ZNF736: variants seen among roughly 807,000 people sequenced by gnomAD.
ZNF736 encodes KRAB-containing zinc-finger repressor protein.
A neutral mutation model predicts 11.7 loss-of-function variants in ZNF736; 6 were observed. That is an observed-to-expected ratio of 0.51 (90% CI 0.28 to 1.01). The LOEUF (loss-of-function observed/expected upper bound fraction) is 1.01. Among genes scored for constraint, ZNF736 ranks in the 50% least tolerant of loss-of-function variants. The probability of loss-of-function intolerance (pLI) is 0.09; values close to 1 mark genes in which losing one functional copy is unlikely to be tolerated. For synonymous variants in ZNF736, 139 were observed against 164.7 expected (o/e 0.84, Z 1.19); for missense variants, 444 against 496.0 (o/e 0.90, Z 1.00).
In ZNF736 at chr7:64,349,795, T is replaced by C. The variant is rs1789461964; in HGVS notation, c.*648T>C. On this transcript the variant is annotated 3_prime_UTR_variant, in exon 4 of 4. Transcript: ENST00000423484. Reference sequence around the variant, plus strand: ...GCATTTGCTTGTCTGAATAGGATCATATATATTTTTTACTTCTGAAGCTTA... The same window carrying C: ...GCATTTGCTTGTCTGAATAGGATCACATATATTTTTTACTTCTGAAGCTTA... 1 of 152,320 alleles carries C rather than the reference T, an allele frequency of 6.6e-6. No individual in the cohort carries two copies. The highest frequency in any genetic ancestry group is 6.5e-5 in the Admixed American group (1 of 15,282). The allele number at this position is 152,320 out of a possible 1,614,324, so 9.4% of individuals were successfully genotyped here.
At chr7:64,319,569 C>G (rs562106715) in intron 1 of ZNF736, among the ~76,000 whole-genome samples, 74 of 131,126 alleles carry the variant, frequency 5.6e-4, no homozygotes, top group Non-Finnish European at 9.9e-4. Context: ...GGTCTTGGCT[C>G]ACTGCAACCT....
chr7:64,340,910 CA>C (rs1789327728), intron 3 of ZNF736, among the ~76,000 whole-genome samples: 1 of 151,964 alleles, frequency 6.6e-6, no homozygotes, highest in Non-Finnish European at 1.5e-5. Context: ...CTTTTTTCTT[CA>C]AATAACCTCT....
intron 1 of ZNF736, among the ~76,000 whole-genome samples, chr7:64,331,414 G>C (rs1334481685): frequency 6.6e-6 from 1 of 152,162 alleles, no homozygotes; most frequent in Non-Finnish European, 1.5e-5. Flanking sequence ...TCTCTGCTGA[G>C]CTGCACTCCC....
At chr7:64,338,086 C>A (rs1789285563) in intron 3 of ZNF736, among the ~76,000 whole-genome samples, 1 of 152,082 alleles carries the variant, frequency 6.6e-6, no homozygotes, top group South Asian at 2.1e-4. Flanking sequence ...TCAATTTTAA[C>A]TTTATTTTAA....
At chr7:64,317,770 A>G (rs1788937630) in intron 1 of ZNF736, among the ~76,000 whole-genome samples, 1 of 151,856 alleles carries the variant, frequency 6.6e-6, no homozygotes, top group Admixed American at 6.5e-5. Context: ...TTAAAATTTT[A>G]TTTTTCTCTT....
intron 3 of ZNF736, among the ~76,000 whole-genome samples, chr7:64,341,240 C>G (rs1736187239): frequency 6.6e-6 from 1 of 151,482 alleles, no homozygotes; most frequent in African/African-American, 2.4e-5. Context: ...ACATCTTTGT[C>G]AGATAATGCA....
At chr7:64,343,746 A>G (rs1789370524) in intron 3 of ZNF736, among the ~76,000 whole-genome samples, 1 of 152,110 alleles carries the variant, frequency 6.6e-6, no homozygotes, top group Non-Finnish European at 1.5e-5. Flanking sequence ...CTTATGTTTT[A>G]CAGTAGCCTA....
rs1467522941 is a variant in ZNF736, at chr7:64,353,415, C to G, written c.*4268C>G. 2 of 152,240 alleles carry G rather than the reference C, an allele frequency of 1.3e-5. No homozygotes were observed. Among genetic ancestry groups the G allele is most frequent in the African/African-American group, 4.8e-5 (2 of 41,464 alleles). The allele number at this position is 152,240 out of a possible 1,614,324, so 9.4% of individuals were successfully genotyped here. A position where few individuals can be genotyped will look rare whatever the true frequency, so the allele number is the denominator to read the frequency against. On this transcript the variant is annotated 3_prime_UTR_variant, in exon 4 of 4. Transcript: ENST00000423484. ...TGTCTATGAGAACTGCACAGTCTAG[C>G]TGCTTCTAGTCAGCAATCTCGATCA...
intron 1 of ZNF736, among the ~76,000 whole-genome samples, chr7:64,331,317 C>A (rs550226088): frequency 2.0e-4 from 31 of 152,210 alleles, no homozygotes; most frequent in Non-Finnish European, 4.4e-4. Flanking sequence ...CCCCATGCTG[C>A]TTTCTGCTAT....
At chr7:64,319,444 T>G (rs1259821725) in intron 1 of ZNF736, among the ~76,000 whole-genome samples, 1 of 143,960 alleles carries the variant, frequency 6.9e-6, no homozygotes, top group Non-Finnish European at 1.5e-5. Flanking sequence ...CTTTTAAATT[T>G]TTTAAAATTA....
In ZNF736 at chr7:64,349,652, A is replaced by G. The variant is rs1434920786; in HGVS notation, c.*505A>G. 6.5e-6 allele frequency: 1 copy of G among 154,342 alleles called. No individual in the cohort carries two copies. The highest frequency in any genetic ancestry group is 1.9e-4 in the East Asian group (1 of 5,218). 9.6% of individuals were successfully genotyped at this position (154,342 alleles called of 1,614,324 possible). ...ACATTTGTTTCTGTGGTTGCTTTAT[A>G]GTGTCCACAGTTTGTATACTTTAGT... On this transcript the variant is annotated 3_prime_UTR_variant, in exon 4 of 4. Coordinates refer to ENST00000423484, the MANE Select transcript of ZNF736 (RefSeq NM_001170905.3).
chr7:64,343,990 T>A (rs1789374834), intron 3 of ZNF736, among the ~76,000 whole-genome samples: 1 of 151,708 alleles, frequency 6.6e-6, no homozygotes, highest in African/African-American at 2.4e-5. Context: ...TAGTCAATGA[T>A]TGTTTTATTC....
In ZNF736 at chr7:64,353,867, A is replaced by C. The variant is rs1417954781; in HGVS notation, c.*4720A>C. The C allele has an allele frequency of 1.3e-5, 2 of 152,228 alleles. No individual in the cohort carries two copies. Among genetic ancestry groups the C allele is most frequent in the African/African-American group, 4.8e-5 (2 of 41,464 alleles). 9.4% of individuals were successfully genotyped at this position (152,228 alleles called of 1,614,324 possible). A position where few individuals can be genotyped will look rare whatever the true frequency, so the allele number is the denominator to read the frequency against. On this transcript the variant is annotated 3_prime_UTR_variant, in exon 4 of 4. Transcript: ENST00000423484. ...ACAGTGAATTTCAAAATGCCTTTTT[A>C]ATGACAATGTGTGAACTTAATTTGT...
chr7:64,314,194 C>G, intron 1 of ZNF736, 41 bp downstream of exon 1: 1 of 1,550,468 alleles, frequency 6.4e-7, no homozygotes. Context: ...GGGGAAGAGG[C>G]TGTTTGAATC....
intron 1 of ZNF736, among the ~76,000 whole-genome samples, chr7:64,324,778 G>A (rs1789060095): frequency 6.6e-6 from 1 of 152,194 alleles, no homozygotes; most frequent in African/African-American, 2.4e-5. Flanking sequence ...GCCACTATCT[G>A]TAGCACAAAT....
intron 1 of ZNF736, among the ~76,000 whole-genome samples, chr7:64,333,174 C>G (rs1486679314): frequency 6.6e-6 from 1 of 152,194 alleles, no homozygotes; most frequent in Admixed American, 6.5e-5. Flanking sequence ...CCAGCTGCTC[C>G]CTCCATTCAG....
chr7:64,344,861 A>T (rs757130050), intron 3 of ZNF736, among the ~76,000 whole-genome samples: 20 of 151,686 alleles, frequency 1.3e-4, no homozygotes, highest in Admixed American at 7.9e-4. Flanking sequence ...GCTTTGATTG[A>T]TGTAGTTTTG....
chr7:64,327,765 T>G (rs1049846388), intron 1 of ZNF736, among the ~76,000 whole-genome samples: 1 of 152,166 alleles, frequency 6.6e-6, no homozygotes, highest in Admixed American at 6.5e-5. Context: ...TAACCCATTA[T>G]TTTAAACGGA....
chr7:64,345,773 T>C (rs1789402640), intron 3 of ZNF736, among the ~76,000 whole-genome samples: 1 of 151,806 alleles, frequency 6.6e-6, no homozygotes, highest in Non-Finnish European at 1.5e-5. Flanking sequence ...TTAATTTTTA[T>C]GTTTTTTGAA....
Sources: gnomAD v4.1 joint callset for allele counts (sites outside exome capture counted in the v4.1 genomes callset) on GRCh38, gnomAD v4.1.1 for gene constraint, MANE v1.5 for transcripts, NCBI Gene and HGNC (gene_info 2026-07-23, HGNC 2026-07-21) for gene names.